ATRNL1: variants seen among roughly 807,000 people sequenced by gnomAD.
ATRNL1 encodes attractin like 1.
Under a neutral mutation model 182.7 loss-of-function variants are expected in ATRNL1, and 95 were observed. The observed-to-expected ratio is 0.52, with a 90% CI of 0.44 to 0.62. The LOEUF (loss-of-function observed/expected upper bound fraction) is 0.62. Ranked by LOEUF, ATRNL1 falls within the 20% of genes least tolerant of loss-of-function variation. ATRNL1 has a pLI of 0.00. For synonymous variants in ATRNL1, 576 were observed against 568.3 expected (o/e 1.01, Z -0.19); for missense variants, 1,471 against 1,679.5 (o/e 0.88, Z 2.17).
intron 21 of ATRNL1, among the ~76,000 whole-genome samples, chr10:115,454,265 T>G (rs1554968252): frequency 6.6e-6 from 1 of 152,088 alleles, no homozygotes; most frequent in African/African-American, 2.4e-5. Context: ...CTATATATCT[T>G]TTTTCATGCC....
chr10:115,345,933 C>A (rs1366737569), intron 19 of ATRNL1, among the ~76,000 whole-genome samples: 3 of 152,124 alleles, frequency 2.0e-5, no homozygotes, highest in South Asian at 2.1e-4. Flanking sequence ...GTACTTAATA[C>A]CTTTTTACAG....
chr10:115,157,619 A>G (rs1275806312), intron 5 of ATRNL1, among the ~76,000 whole-genome samples: 1 of 152,100 alleles, frequency 6.6e-6, no homozygotes, highest in African/African-American at 2.4e-5. Flanking sequence ...TGATAGTCAC[A>G]TTGCTTCCTT....
rs145852660 is a variant in ATRNL1, at chr10:115,681,316, GTAA to G, written c.3796-45924_3796-45922del. ...AGAGTAAGTATTGGACAAAGTCACTGTAATAATAATGCTATTCATTGAGTTATC... is the reference window on the plus strand; with the variant it reads ...AGAGTAAGTATTGGACAAAGTCACTGTAATAATGCTATTCATTGAGTTATC... On this transcript the variant is annotated intron_variant, in intron 26 of 28. Coordinates refer to ENST00000355044, the MANE Select transcript of ATRNL1 (RefSeq NM_207303.4). 1.2e-4 allele frequency among the ~76,000 whole-genome samples: 19 copies of G among 152,214 alleles called. No homozygotes were observed. The East Asian group carries it at 3.7e-3, about 29-fold the overall frequency.
Position 115,093,895 on chromosome 10 carries a change from C to G in ATRNL1, c.145C>G (p.Leu49Val), listed in dbSNP as rs1342220358. Residue 49 changes from leucine (L) to valine (V), a missense_variant, in exon 1 of 29, where the codon CTC becomes GTC. Transcript: ENST00000355044. This position sits in a 1 kb window ranked among gnomAD's most constrained non-coding sequence, Gnocchi z 6.1. ...GNSWLLCYGF[L>V]YLALYAQVSQ... ...CAGCTGGCTGCTGTGCTATGGCTTCCTCTACCTGGCGCTCTACGCGCAGGT... is the reference window on the plus strand; with the variant it reads ...CAGCTGGCTGCTGTGCTATGGCTTCGTCTACCTGGCGCTCTACGCGCAGGT... The G allele has an allele frequency of 1.3e-6, 2 of 1,596,660 alleles. No homozygotes were observed. Among genetic ancestry groups the G allele is most frequent in the Admixed American group, 3.4e-5 (2 of 58,384 alleles).
intron 26 of ATRNL1, among the ~76,000 whole-genome samples, chr10:115,656,461 G>A (rs191824476): frequency 1.1e-4 from 17 of 152,150 alleles, no homozygotes; most frequent in Admixed American, 4.6e-4. Flanking sequence ...AGGTTCATTG[G>A]CCTGTCTAAA....
At chr10:115,436,535 A>G (rs1048883814) in intron 21 of ATRNL1, among the ~76,000 whole-genome samples, 5 of 152,158 alleles carry the variant, frequency 3.3e-5, no homozygotes, top group Admixed American at 1.3e-4. Context: ...TTTACTTTTG[A>G]AATTGTTCTA....
intron 21 of ATRNL1, among the ~76,000 whole-genome samples, chr10:115,446,404 T>C (rs958556952): frequency 2.0e-5 from 3 of 152,082 alleles, no homozygotes; most frequent in Non-Finnish European, 4.4e-5. Context: ...TAGCTCTCTT[T>C]TTATTGTAAT....
chr10:115,159,968 T>A, intron 5 of ATRNL1, 72 bp from the exon 6 acceptor site: 1 of 1,122,112 alleles, frequency 8.9e-7, no homozygotes, highest in African/African-American at 1.6e-5. Context: ...ATTCTCTTAA[T>A]CCATATGTTG....
At chr10:115,909,148 C>A (rs1044686673) in intron 28 of ATRNL1, among the ~76,000 whole-genome samples, 2 of 151,754 alleles carry the variant, frequency 1.3e-5, no homozygotes, top group Non-Finnish European at 2.9e-5. Context: ...TCTCTCTCCC[C>A]CTAGGCGCAA....
At chr10:115,463,284 T>C (rs1221482111) in intron 22 of ATRNL1, among the ~76,000 whole-genome samples, 1 of 152,036 alleles carries the variant, frequency 6.6e-6, no homozygotes, top group East Asian at 1.9e-4. Context: ...CATTTTATGT[T>C]ACTCTTTATT....
intron 9 of ATRNL1, among the ~76,000 whole-genome samples, chr10:115,238,792 A>G (rs1300821483): frequency 6.6e-6 from 1 of 152,202 alleles, no homozygotes; most frequent in African/African-American, 2.4e-5. Context: ...GTTGAATAGA[A>G]ATGGTGAGAT....
chr10:115,907,988 A>G (rs1952554068), intron 28 of ATRNL1, among the ~76,000 whole-genome samples: 1 of 152,212 alleles, frequency 6.6e-6, no homozygotes, highest in Non-Finnish European at 1.5e-5. Flanking sequence ...TTTAAAAGTA[A>G]TAGCTATTTT....
intron 26 of ATRNL1, among the ~76,000 whole-genome samples, chr10:115,644,530 A>G (rs533910512): frequency 3.9e-5 from 6 of 152,208 alleles, no homozygotes; most frequent in Non-Finnish European, 8.8e-5. Context: ...CAAAGTCTGT[A>G]TACTTTTGCC....
chr10:115,117,352 A>C (rs908809716), intron 1 of ATRNL1, among the ~76,000 whole-genome samples: 6 of 151,610 alleles, frequency 4.0e-5, no homozygotes, highest in African/African-American at 1.5e-4. Flanking sequence ...TCCTCACTTT[A>C]CCACTACCCT....
At chr10:115,269,679 A>G (rs1851758806) in intron 13 of ATRNL1, among the ~76,000 whole-genome samples, 1 of 152,172 alleles carries the variant, frequency 6.6e-6, no homozygotes, top group Non-Finnish European at 1.5e-5. Context: ...AATAAATAGC[A>G]TGGATACATA....
intron 26 of ATRNL1, among the ~76,000 whole-genome samples, chr10:115,713,616 TATAC>T (rs1253673569): frequency 3.8e-4 from 2 of 5,268 alleles, no homozygotes; most frequent in Admixed American, 8.3e-3. Flanking sequence ...TGTTTATATA[TATAC>T]ACACACACAC....
In ATRNL1 at chr10:115,204,665, C is replaced by T. The variant is rs567648742; in HGVS notation, c.1349-11032C>T. Among the ~76,000 whole-genome samples the T allele has an allele frequency of 4.6e-5, 7 of 152,052 alleles. No individual in the cohort carries two copies. In the South Asian group the frequency reaches 1.0e-3, roughly 23 times the overall value. On this transcript the variant is annotated intron_variant, in intron 8 of 28. Coordinates refer to ENST00000355044, the MANE Select transcript of ATRNL1 (RefSeq NM_207303.4). ...TTTATCACAGTGAATTATTCTTTTA[C>T]TGTGATCTTGATTTTTATTTGCTAG... is the stretch of plus-strand genomic sequence containing the variant.
chr10:115,728,665 G>T (rs1947692099), intron 27 of ATRNL1, among the ~76,000 whole-genome samples: 1 of 152,088 alleles, frequency 6.6e-6, no homozygotes. Context: ...ACTCATGGAT[G>T]CTACTCAAAG....
intron 24 of ATRNL1, among the ~76,000 whole-genome samples, chr10:115,485,010 C>T (rs1421578834): frequency 1.3e-5 from 2 of 151,766 alleles, no homozygotes; most frequent in African/African-American, 4.8e-5. Context: ...ATTAATGAGC[C>T]ATCACTTGAT....
Sources: allele counts gnomAD v4.1 joint callset (sites outside exome capture counted in the v4.1 genomes callset), GRCh38; gene constraint gnomAD v4.1.1; non-coding constraint Gnocchi (gnomAD v3.1); transcripts MANE v1.5; gene names NCBI Gene and HGNC (gene_info 2026-07-23, HGNC 2026-07-21).